KCNG2: variants seen among roughly 807,000 people sequenced by gnomAD.
The protein encoded by KCNG2 is voltage-gated potassium channel regulatory subunit KCNG2.
KCNG2 carries 7 observed loss-of-function variants against 12.3 expected under a neutral mutation model. The observed-to-expected ratio is 0.57, with a 90% CI of 0.32 to 1.07. The LOEUF (loss-of-function observed/expected upper bound fraction) is 1.07, where lower values mean the gene tolerates loss of function less well. Among genes scored for constraint, KCNG2 ranks in the 50% least tolerant of loss-of-function variants. The pLI is 0.04. For missense variants in KCNG2, 703 were observed against 726.0 expected, an observed-to-expected ratio of 0.97 and a Z score of 0.36; for synonymous variants, 414 against 351.4, an observed-to-expected ratio of 1.18 and a Z score of -1.99.
chr18:79,870,304 C>A (rs1357970071), intron 3 of KCNG2, among the ~76,000 whole-genome samples: 1 of 152,234 alleles, frequency 6.6e-6, no homozygotes. Context: ...TCGTCTCTGA[C>A]AGTGACAGGG....
chr18:79,873,157 G>A (rs1464734805), intron 3 of KCNG2, among the ~76,000 whole-genome samples: 5 of 152,186 alleles, frequency 3.3e-5, no homozygotes, highest in Admixed American at 2.6e-4. Flanking sequence ...AGGAATGAGA[G>A]TTCTTGCTTT....
chr18:79,846,224 T>A (rs1372497938), intron 1 of KCNG2, among the ~76,000 whole-genome samples: 1 of 149,856 alleles, frequency 6.7e-6, no homozygotes. Flanking sequence ...ATACAAAAAA[T>A]TGGCCAGGCG....
At chr18:79,870,720 A>G (rs76102855) in intron 3 of KCNG2, among the ~76,000 whole-genome samples, 4,995 of 152,328 alleles carry the variant, frequency 0.033, 110 homozygotes, top group Admixed American at 0.059. Flanking sequence ...TGAGACCAGT[A>G]TAATTAGTTA....
chr18:79,891,605 A>T (rs911397653), intron 3 of KCNG2, among the ~76,000 whole-genome samples: 1 of 152,122 alleles, frequency 6.6e-6, no homozygotes, highest in South Asian at 2.1e-4. Flanking sequence ...TCCAAGTCTG[A>T]CTGCCTTCTG....
At chr18:79,881,901 C>CGA in intron 3 of KCNG2, among the ~76,000 whole-genome samples, 1 of 152,182 alleles carries the variant, frequency 6.6e-6, no homozygotes, top group Admixed American at 6.5e-5. Flanking sequence ...AGGAATAGAA[C>CGA]CACATGAATG....
At chr18:79,879,899 C>T (rs1334966660) in intron 3 of KCNG2, among the ~76,000 whole-genome samples, 1 of 152,114 alleles carries the variant, frequency 6.6e-6, no homozygotes, top group Non-Finnish European at 1.5e-5. Flanking sequence ...GGAAGGGGCC[C>T]CCTGGGTCGT....
At chr18:79,824,765 A>ATTATT (rs2087599534) in intron 1 of KCNG2, among the ~76,000 whole-genome samples, 2 of 152,170 alleles carry the variant, frequency 1.3e-5, no homozygotes, top group Non-Finnish European at 2.9e-5. Flanking sequence ...GCATGATGTT[A>ATTATT]ATGGATTTCC....
chr18:79,874,077 C>A (rs1377360054), intron 3 of KCNG2, among the ~76,000 whole-genome samples: 1 of 152,248 alleles, frequency 6.6e-6, no homozygotes, highest in Non-Finnish European at 1.5e-5. Flanking sequence ...CAGGCAGGCG[C>A]TGTCTCCTGA....
chr18:79,854,783 G>T (rs1312273326), intron 1 of KCNG2, among the ~76,000 whole-genome samples: 1 of 152,164 alleles, frequency 6.6e-6, no homozygotes, highest in African/African-American at 2.4e-5. Flanking sequence ...AAAGTACAGG[G>T]ATTACAGGTG....
chr18:79,801,650 G>A (rs1313769375), intron 1 of KCNG2, among the ~76,000 whole-genome samples: 3 of 152,268 alleles, frequency 2.0e-5, no homozygotes, highest in African/African-American at 7.2e-5. Context: ...CTAGAATTAT[G>A]GGGCCCAGTG....
chr18:79,892,392 T>A (rs1307411522), intron 3 of KCNG2, among the ~76,000 whole-genome samples: 2 of 152,252 alleles, frequency 1.3e-5, no homozygotes, highest in African/African-American at 4.8e-5. Context: ...ATATATCTTT[T>A]CCTATCTTGT....
Position 79,844,957 on chromosome 18 carries a change from A to C in KCNG2, c.-114-11422A>C, listed in dbSNP as rs1978574437. On this transcript the variant is annotated intron_variant, in intron 1 of 3. Coordinates refer to ENST00000316249, the MANE Select transcript of KCNG2 (RefSeq NM_012283.2). ...ATGAGCATTTACCCCAGAGAGGAAA[A>C]GCAAACTGTGTGGAAATGCTTATAC... Among the ~76,000 whole-genome samples the C allele has an allele frequency of 3.3e-5, 5 of 152,368 alleles. 1 individual carries two copies. In the Middle Eastern group the frequency reaches 0.01, roughly 311 times the overall value.
rs999943392 is a variant in KCNG2, at chr18:79,899,942, C to T, written c.*126C>T. The T allele has an allele frequency of 5.5e-6, 5 of 905,858 alleles. No individual in the cohort carries two copies. In the East Asian group the frequency reaches 1.1e-4, roughly 20 times the overall value. 56.1% of individuals were successfully genotyped at this position (905,858 alleles called of 1,614,324 possible). A position where few individuals can be genotyped will look rare whatever the true frequency, so the allele number is the denominator to read the frequency against. On this transcript the variant is annotated 3_prime_UTR_variant, in exon 4 of 4. Coordinates refer to ENST00000316249, the MANE Select transcript of KCNG2 (RefSeq NM_012283.2). Reference sequence around the variant, plus strand: ...GGCTCCTGCCGGCCGCGTCCTCGGCCCTCGTGCGTGAGCAGCCCCAGAACT... The same window carrying T: ...GGCTCCTGCCGGCCGCGTCCTCGGCTCTCGTGCGTGAGCAGCCCCAGAACT...
At chr18:79,864,331 G>GGGGCT (rs1979369160) in intron 3 of KCNG2, 40 bp downstream of exon 3, 16 of 1,434,254 alleles carry the variant, frequency 1.1e-5, no homozygotes, top group Non-Finnish European at 1.5e-5. Context: ...GGCCGGAGCT[G>GGGGCT]GGGCTGGGCT....
chr18:79,864,959 G>C (rs1001936405), intron 3 of KCNG2, among the ~76,000 whole-genome samples: 4 of 150,916 alleles, frequency 2.7e-5, no homozygotes, highest in Non-Finnish European at 4.4e-5. Context: ...TGAGTTCTGT[G>C]TGCGGAAGTC....
At chr18:79,885,438 G>A (rs576676001) in intron 3 of KCNG2, among the ~76,000 whole-genome samples, 171 of 152,320 alleles carry the variant, frequency 1.1e-3, no homozygotes, top group African/African-American at 3.9e-3. Flanking sequence ...TCCGCGGGTG[G>A]TCTCTTTCTA....
intron 3 of KCNG2, among the ~76,000 whole-genome samples, chr18:79,887,792 C>A (rs191187070): frequency 6.6e-6 from 1 of 152,204 alleles, no homozygotes; most frequent in African/African-American, 2.4e-5. Flanking sequence ...GGGTGGCTCC[C>A]CCACTTTTCC....
Position 79,863,800 on chromosome 18 carries a change from C to A in KCNG2, c.133C>A (p.Arg45Ser). The A allele has an allele frequency of 7.6e-7, 1 of 1,310,724 alleles. No homozygotes were observed. The highest frequency in any genetic ancestry group is 9.8e-7 in the Non-Finnish European group (1 of 1,024,716). The allele number at this position is 1,310,724 out of a possible 1,614,324, so 81.2% of individuals were successfully genotyped here. ...GCGATGCCCCCTCGCGCGCCTGGAGCGCCTGCGCGCCTGCCGCGGCCACGA... is the reference window on the plus strand; with the variant it reads ...GCGATGCCCCCTCGCGCGCCTGGAGAGCCTGCGCGCCTGCCGCGGCCACGA... ...LARCPLARLE[R>S]LRACRGHDDL... is the part of the protein sequence containing the mutation. Residue 45 changes from arginine (R) to serine (S), a missense_variant, in exon 3 of 4, where the codon CGC becomes AGC. Arg to Ser is a moderately radical substitution (Grantham distance 110, BLOSUM62 -1). Transcript: ENST00000316249.
rs147452211 is a variant in KCNG2 at position 79,856,638 on chromosome 18, C to T, written c.-41+186C>T. 5.3e-4 allele frequency among the ~76,000 whole-genome samples: 80 copies of T among 152,294 alleles called. No homozygotes were observed. In the East Asian group the frequency reaches 0.012, roughly 23 times the overall value. ...CCTCACAGGCAGCCCAGAACTCAGG[C>T]GCAGCCCCTTCCGAACCCCGCCTGG... On this transcript the variant is annotated intron_variant, in intron 2 of 3. Coordinates refer to ENST00000316249, the MANE Select transcript of KCNG2 (RefSeq NM_012283.2).
Sources: allele counts gnomAD v4.1 joint callset (sites outside exome capture counted in the v4.1 genomes callset), GRCh38; gene constraint gnomAD v4.1.1; transcripts MANE v1.5; gene names NCBI Gene and HGNC (gene_info 2026-07-23, HGNC 2026-07-21).